The following GNB2 variants were observed in gnomAD, a reference collection of about 807,000 sequenced individuals.
The protein encoded by GNB2 is G protein subunit beta 2.
A neutral mutation model predicts 40.7 loss-of-function variants in GNB2; 7 were observed. The ratio of observed to expected loss-of-function variants is 0.17; its 90% CI spans 0.10 to 0.32. The LOEUF (loss-of-function observed/expected upper bound fraction) is 0.32. Among genes scored for constraint, GNB2 ranks in the 10% least tolerant of loss-of-function variants. GNB2 has a pLI of 1.00. For missense variants in GNB2, 286 were observed against 473.0 expected, an observed-to-expected ratio of 0.60 and a Z score of 3.67; for synonymous variants, 254 against 191.2, an observed-to-expected ratio of 1.33 and a Z score of -2.71.
chr7:100,674,973 C>T (rs929746642), intron 1 of GNB2, among the ~76,000 whole-genome samples: 4 of 152,138 alleles, frequency 2.6e-5, no homozygotes, highest in Admixed American at 6.5e-5. Flanking sequence ...GCTGAACTTA[C>T]AAGGAGGGGA....
At position 100,678,272 on chromosome 7, in the gene GNB2, C is replaced by T. The variant is rs889272812; in HGVS notation, c.672C>T (p.Gly224=). ...CCATGTGCCGACAGACCTTCATCGGCCATGAATCCGACATCAATGCAGTGG... is the reference window on the plus strand; with the variant it reads ...CCATGTGCCGACAGACCTTCATCGGTCATGAATCCGACATCAATGCAGTGG... ...RDSMCRQTFI[G]HESDINAVAF... is the part of the protein sequence containing the mutation. The change falls in exon 8 of 10, where the codon GGC becomes GGT. Residue 224 remains glycine (G), a synonymous_variant. Coordinates refer to ENST00000303210, the MANE Select transcript of GNB2 (RefSeq NM_005273.4). 2 of 1,613,732 alleles carry T rather than the reference C, an allele frequency of 1.2e-6. No individual in the cohort carries two copies. Among genetic ancestry groups the T allele is most frequent in the Non-Finnish European group, 1.7e-6 (2 of 1,179,934 alleles).
intron 4 of GNB2, 172 bp downstream of exon 4, chr7:100,676,971 GA>G (rs1260958852): frequency 3.3e-6 from 2 of 602,530 alleles, no homozygotes; most frequent in Non-Finnish European, 5.9e-6. Flanking sequence ...ATGCTGGTGA[GA>G]ACTTGTGGGC....
chr7:100,676,187 A>G lies in GNB2; in HGVS notation c.-79A>G, dbSNP rs1048507942. On this transcript the variant is annotated 5_prime_UTR_variant, in exon 2 of 10. Transcript: ENST00000303210. ...CCCTGCATCCCCCAGGCCTCGGGCC[A>G]GCGGCCAGGAGCTGCCTCCCCCAGC... 1.1e-5 allele frequency: 9 copies of G among 821,874 alleles called. No individual in the cohort carries two copies. Among genetic ancestry groups the G allele is most frequent in the Non-Finnish European group, 1.7e-5 (9 of 515,414 alleles). The allele number at this position is 821,874 out of a possible 1,614,324, so 50.9% of individuals were successfully genotyped here.
At position 100,678,841 on chromosome 7, in the gene GNB2, G is replaced by A. The variant is rs760957770; in HGVS notation, c.*40G>A. The A allele has an allele frequency of 6.8e-6, 10 of 1,463,110 alleles. No homozygotes were observed. The highest frequency in any genetic ancestry group is 4.6e-5 in the South Asian group (4 of 87,872). The allele number at this position is 1,463,110 out of a possible 1,614,324, so 90.6% of individuals were successfully genotyped here. On this transcript the variant is annotated 3_prime_UTR_variant, in exon 10 of 10. Coordinates refer to ENST00000303210, the MANE Select transcript of GNB2 (RefSeq NM_005273.4). The stretch of plus-strand genomic sequence containing the variant: ...CTGGGCCCAGGCCAGGAGGGGCCCT[G>A]CCCATGCCCACACTACAGGCCAGGG...
chr7:100,677,562 T>C lies in GNB2; in HGVS notation c.332T>C (p.Phe111Ser), dbSNP rs1297787786. The C allele has an allele frequency of 1.2e-6, 2 of 1,613,400 alleles. No individual in the cohort carries two copies. Among genetic ancestry groups the C allele is most frequent in the African/African-American group, 2.7e-5 (2 of 75,062 alleles). The part of the protein sequence containing the change: ...MTCAYAPSGN[F>S]VACGGLDNIC... ...TGTGCCTACGCGCCCTCAGGGAACT[T>C]TGTGGCCTGTGGGGGGTTGGACAAC... Residue 111 changes from phenylalanine to serine, a missense_variant, in exon 6 of 10, where the codon TTT (phenylalanine) becomes TCT (serine). Physicochemically the swap from Phe to Ser is radical, Grantham distance 155 (BLOSUM62 -2). Transcript: ENST00000303210.
chr7:100,677,867 C>A, intron 7 of GNB2, 49 bp downstream of exon 7: 1 of 1,496,028 alleles, frequency 6.7e-7, no homozygotes, highest in South Asian at 1.1e-5. Context: ...ACACTTCCTG[C>A]CTCAGGGGCC....
intron 3 of GNB2, 32 bp downstream of exon 3, chr7:100,676,605 G>C: frequency 1.3e-6 from 2 of 1,583,514 alleles, no homozygotes; most frequent in South Asian, 2.2e-5. Context: ...AGCGTAACTA[G>C]GGGTTGAAGG....
rs377234293 is a variant in GNB2, at chr7:100,677,762, G to A, written c.441G>A (p.Ser147=). 9.9e-6 allele frequency: 16 copies of A among 1,613,688 alleles called. No homozygotes were observed. The highest frequency in any genetic ancestry group is 4.4e-5 in the South Asian group (4 of 91,096). Residue 147 remains serine (S), a synonymous_variant, in exon 7 of 10, where the codon TCG becomes TCA. Coordinates refer to ENST00000303210, the MANE Select transcript of GNB2 (RefSeq NM_005273.4). ...CAGCTCCTTCCCCAGGGTACCTGTC[G>A]TGTTGCCGCTTCCTGGATGACAACC... is the stretch of plus-strand genomic sequence containing the variant. ...RELPGHTGYL[S]CCRFLDDNQI...
chr7:100,676,721 G>A lies in GNB2; in HGVS notation c.125G>A (p.Arg42Lys). Residue 42 changes from arginine to lysine, a missense_variant, in exon 4 of 10, where the codon AGA (arginine) becomes AAA (lysine). By Grantham distance (26) the Arg-to-Lys change is conservative. Coordinates refer to ENST00000303210, the MANE Select transcript of GNB2 (RefSeq NM_005273.4). ...QITAGLDPVGRIQMRTRRTLR... is the reference protein window; with the variant it reads ...QITAGLDPVGKIQMRTRRTLR... ...ACAGCTGGGCTGGACCCAGTGGGGA[G>A]AATCCAGATGAGGACCCGGAGGACC... 1 of 1,611,918 alleles carries A rather than the reference G, an allele frequency of 6.2e-7. No homozygotes were observed. The highest frequency in any genetic ancestry group is 1.1e-5 in the South Asian group (1 of 90,990).
intron 1 of GNB2, chr7:100,675,410 A>C (rs1223084251): frequency 6.6e-6 from 1 of 151,698 alleles, no homozygotes; most frequent in East Asian, 1.9e-4. Flanking sequence ...CGGACGGCTA[A>C]TGGGGCGCAG....
Position 100,678,486 on chromosome 7 carries a change from T to A in GNB2, c.788T>A (p.Met263Lys). Residue 263 changes from methionine to lysine, a missense_variant, in exon 9 of 10, where the codon ATG becomes AAG. Met to Lys is a moderately conservative substitution (Grantham distance 95, BLOSUM62 -1). Coordinates refer to ENST00000303210, the MANE Select transcript of GNB2 (RefSeq NM_005273.4). The part of the protein sequence containing the change: ...FDLRADQELL[M>K]YSHDNIICGI... ...CTGCGGGCCGATCAGGAGCTCCTCA[T>A]GTACTCCCATGACAACATCATCTGT... 6.2e-7 allele frequency: 1 copy of A among 1,613,834 alleles called. No individual in the cohort carries two copies. Among genetic ancestry groups the A allele is most frequent in the Non-Finnish European group, 8.5e-7 (1 of 1,179,936 alleles).
intron 1 of GNB2, 192 bp from the exon 2 acceptor site, chr7:100,675,985 A>C: frequency 2.4e-6 from 1 of 423,246 alleles, no homozygotes; most frequent in Non-Finnish European, 4.2e-6. Flanking sequence ...GGGGGGCGGG[A>C]GGAAGATTGG....
In GNB2 at chr7:100,678,972, A is replaced by G. The variant is rs1231638776; in HGVS notation, c.*171A>G. On this transcript the variant is annotated 3_prime_UTR_variant, in exon 10 of 10. Coordinates refer to ENST00000303210, the MANE Select transcript of GNB2 (RefSeq NM_005273.4). ...CTCCCGGGGCCCCCACTGTGGAGAT[A>G]AGAAGGGGATGGAATGGGGGAAGAG... The G allele has an allele frequency of 1.2e-5, 7 of 599,214 alleles. No individual in the cohort carries two copies. Among genetic ancestry groups the G allele is most frequent in the African/African-American group, 3.7e-5 (2 of 53,736 alleles). The allele number at this position is 599,214 out of a possible 1,614,324, so 37.1% of individuals were successfully genotyped here.
rs1804292310 is a variant in GNB2, at chr7:100,673,825, CG to C, written c.-187del. On this transcript the variant is annotated 5_prime_UTR_variant, in exon 1 of 10. Transcript: ENST00000303210. ...TGAGGAAATCCATCCGCGCCGCCGCCGCCGCCGCCGCCGCCGCCGCCGCCGC... is the reference window on the plus strand; with the variant it reads ...TGAGGAAATCCATCCGCGCCGCCGCCCCGCCGCCGCCGCCGCCGCCGCCGC... 5.4e-6 allele frequency: 1 copy of C among 184,922 alleles called. No homozygotes were observed. Among genetic ancestry groups the C allele is most frequent in the Non-Finnish European group, 1.1e-5 (1 of 95,178 alleles). The allele number at this position is 184,922 out of a possible 1,614,324, so 11.5% of individuals were successfully genotyped here.
chr7:100,674,675 C>T (rs1291916887), intron 1 of GNB2, among the ~76,000 whole-genome samples: 3 of 152,200 alleles, frequency 2.0e-5, no homozygotes, highest in East Asian at 1.9e-4. Context: ...GGCGGTTGCA[C>T]CCTCATTTCT....
chr7:100,678,665 A>T (rs773728037), intron 9 of GNB2, 30 bp from the exon 10 acceptor site: 4 of 1,609,110 alleles, frequency 2.5e-6, no homozygotes, highest in Non-Finnish European at 3.4e-6. Context: ...GCCCAGGCCC[A>T]ATGGGTTCTG....
rs774483254 is a variant in GNB2, at chr7:100,678,189, C to T, written c.589C>T (p.Arg197Cys). The T allele has an allele frequency of 6.2e-6, 10 of 1,613,794 alleles. No homozygotes were observed. Among genetic ancestry groups the T allele is most frequent in the African/African-American group, 2.7e-5 (2 of 74,938 alleles). ...VMSLSLAPDG[R>C]TFVSGACDAS... ...GTCCCTGTCCCTGGCCCCCGATGGC[C>T]GCACGTTTGTGTCAGGCGCCTGTGA... Residue 197 changes from arginine (R) to cysteine (C), a missense_variant, in exon 8 of 10, where the codon CGC (arginine) becomes TGC (cysteine). Transcript: ENST00000303210.
chr7:100,674,185 C>T (rs1026238583), intron 1 of GNB2, among the ~76,000 whole-genome samples: 8 of 151,992 alleles, frequency 5.3e-5, no homozygotes, highest in Non-Finnish European at 7.4e-5. Context: ...CCCCGACTGC[C>T]TCTTGCTCCC....
intron 1 of GNB2, among the ~76,000 whole-genome samples, chr7:100,674,211 C>T (rs1804302318): frequency 6.6e-6 from 1 of 151,762 alleles, no homozygotes; most frequent in African/African-American, 2.4e-5. Flanking sequence ...AGTTGGGGGG[C>T]TAAATTCCGG....
Sources: allele counts gnomAD v4.1 joint callset (sites outside exome capture counted in the v4.1 genomes callset), GRCh38; gene constraint gnomAD v4.1.1; transcripts MANE v1.5; gene names NCBI Gene and HGNC (gene_info 2026-07-23, HGNC 2026-07-21).